Variants in ADGRB3 observed in about 807,000 individuals in gnomAD.
ADGRB3 encodes the protein brain-specific angiogenesis inhibitor 3.
In ADGRB3, 37 loss-of-function variants were observed where a neutral mutation model predicts 193.4. The ratio of observed to expected loss-of-function variants is 0.19; its 90% CI spans 0.15 to 0.25. The LOEUF (loss-of-function observed/expected upper bound fraction) is 0.25. ADGRB3 is among the 10% of genes least tolerant of loss of function. The pLI is 1.00. For synonymous variants in ADGRB3, 690 were observed against 644.2 expected (o/e 1.07, Z -1.08); for missense variants, 1,637 against 1,852.9 (o/e 0.88, Z 2.14).
At chr6:68,742,223 A>G (rs1388813054) in intron 3 of ADGRB3, among the ~76,000 whole-genome samples, 3 of 152,196 alleles carry the variant, frequency 2.0e-5, no homozygotes, top group Admixed American at 6.5e-5. Flanking sequence ...CTTCTTCATG[A>G]TGTAAACTAG....
At chr6:68,742,212 G>A (rs903298119) in intron 3 of ADGRB3, among the ~76,000 whole-genome samples, 4 of 152,074 alleles carry the variant, frequency 2.6e-5, no homozygotes, top group African/African-American at 4.8e-5. Flanking sequence ...CTAATGAGTG[G>A]CTTCTTCATG....
At chr6:68,832,827 A>T (rs545342560) in intron 3 of ADGRB3, among the ~76,000 whole-genome samples, 1 of 152,148 alleles carries the variant, frequency 6.6e-6, no homozygotes, top group Admixed American at 6.6e-5. Flanking sequence ...ATCTCTGGAA[A>T]ATAAGTTTGG....
chr6:69,189,586 GT>G (rs1765143428), intron 17 of ADGRB3, among the ~76,000 whole-genome samples: 1 of 152,098 alleles, frequency 6.6e-6, no homozygotes, highest in South Asian at 2.1e-4. Context: ...ATTCCGTCTG[GT>G]AAAAATGCCA....
At chr6:68,711,775 A>G (rs984689833) in intron 3 of ADGRB3, among the ~76,000 whole-genome samples, 2 of 152,192 alleles carry the variant, frequency 1.3e-5, no homozygotes, top group South Asian at 2.1e-4. Context: ...CATGGCTTCA[A>G]TCATCACTCA....
chr6:69,164,043 C>T (rs1275990200), intron 17 of ADGRB3, among the ~76,000 whole-genome samples: 1 of 152,086 alleles, frequency 6.6e-6, no homozygotes, highest in African/African-American at 2.4e-5. Flanking sequence ...CTAGTGAGAT[C>T]TTTGAAGGTG....
chr6:69,195,041 T>C (rs985603406), intron 17 of ADGRB3, among the ~76,000 whole-genome samples: 27 of 152,274 alleles, frequency 1.8e-4, no homozygotes, highest in African/African-American at 6.3e-4. Flanking sequence ...GGTCTTGCTA[T>C]TTATGTCCAG....
chr6:69,384,816 T>C (rs755008934), intron 31 of ADGRB3, among the ~76,000 whole-genome samples: 2 of 152,064 alleles, frequency 1.3e-5, no homozygotes, highest in South Asian at 4.1e-4. Flanking sequence ...TTATTCAGTT[T>C]TTATTAATAA....
chr6:69,370,287 G>A (rs1339541403), intron 29 of ADGRB3, among the ~76,000 whole-genome samples: 1 of 152,136 alleles, frequency 6.6e-6, no homozygotes, highest in Non-Finnish European at 1.5e-5. Flanking sequence ...GAAACACTTG[G>A]TCAGTATTGT....
intron 10 of ADGRB3, among the ~76,000 whole-genome samples, chr6:68,975,869 G>C (rs1768732045): frequency 1.3e-5 from 2 of 152,134 alleles, no homozygotes; most frequent in Non-Finnish European, 2.9e-5. Flanking sequence ...CCAAAAAATA[G>C]CTCTTCTTTT....
chr6:68,844,328 A>G (rs1343852192), intron 3 of ADGRB3, among the ~76,000 whole-genome samples: 1 of 152,214 alleles, frequency 6.6e-6, no homozygotes, highest in African/African-American at 2.4e-5. Context: ...TCTATAAGAA[A>G]AAAAATCCAA....
intron 20 of ADGRB3, among the ~76,000 whole-genome samples, chr6:69,320,823 GTA>G (rs1327137069): frequency 7.6e-6 from 1 of 130,916 alleles, no homozygotes; most frequent in South Asian, 2.3e-4. Flanking sequence ...GTGCATGTGT[GTA>G]TGTGTGTGTG....
intron 17 of ADGRB3, among the ~76,000 whole-genome samples, chr6:69,168,308 C>T (rs1482466076): frequency 6.6e-6 from 1 of 152,006 alleles, no homozygotes; most frequent in Non-Finnish European, 1.5e-5. Flanking sequence ...GTGACTGTAG[C>T]TACCTGAATA....
At chr6:69,275,400 T>C (rs2127281674) in intron 20 of ADGRB3, among the ~76,000 whole-genome samples, 1 of 152,234 alleles carries the variant, frequency 6.6e-6, no homozygotes, top group African/African-American at 2.4e-5. Context: ...GAGGAAGAAA[T>C]GTTACAGTAT....
intron 17 of ADGRB3, among the ~76,000 whole-genome samples, chr6:69,149,072 A>G (rs1774588106): frequency 6.6e-6 from 1 of 152,056 alleles, no homozygotes; most frequent in Non-Finnish European, 1.5e-5. Context: ...TTGAATATTG[A>G]TATTTTTCAC....
chr6:68,708,715 G>A (rs1287779452), intron 3 of ADGRB3, among the ~76,000 whole-genome samples: 1 of 152,118 alleles, frequency 6.6e-6, no homozygotes, highest in Admixed American at 6.5e-5. Context: ...TAATTAAGAA[G>A]AAAATATCTT....
intron 13 of ADGRB3, among the ~76,000 whole-genome samples, chr6:69,043,030 A>G (rs1259480086): frequency 6.6e-6 from 1 of 152,068 alleles, no homozygotes; most frequent in Admixed American, 6.6e-5. Flanking sequence ...CTTAAATGCA[A>G]TCCTTTTGAA....
rs1289730081 is a variant in ADGRB3 at position 69,297,406 on chromosome 6, C to CTA, written c.2815-27465_2815-27464insAT. ...TCTCTCTCTCTATCTCTCTCTCTCTCTCTCTATATATATATATATATGCTT... is the reference window on the plus strand; with the variant it reads ...TCTCTCTCTCTATCTCTCTCTCTCTCTATCTCTATATATATATATATATGCTT... On this transcript the variant is annotated intron_variant, in intron 20 of 31. Coordinates refer to ENST00000370598, the MANE Select transcript of ADGRB3 (RefSeq NM_001704.3). Among the ~76,000 whole-genome samples the CTA allele has an allele frequency of 3.2e-3, 458 of 144,148 alleles. 1 individual carries two copies. The highest frequency in any genetic ancestry group is 0.013 in the South Asian group (59 of 4,540). The allele number at this position is 144,148 out of a possible 152,430, so 94.6% of individuals were successfully genotyped here. A position where few individuals can be genotyped will look rare whatever the true frequency, so the allele number is the denominator to read the frequency against.
At chr6:68,973,135 C>A (rs1011330441) in intron 8 of ADGRB3, among the ~76,000 whole-genome samples, 11 of 152,142 alleles carry the variant, frequency 7.2e-5, no homozygotes, top group African/African-American at 9.7e-5. Context: ...AGAGGACTAT[C>A]TTAAACAATT....
intron 3 of ADGRB3, among the ~76,000 whole-genome samples, chr6:68,914,166 A>C (rs1384227460): frequency 6.6e-6 from 1 of 151,424 alleles, no homozygotes. Context: ...AGGCAGGCCA[A>C]CATTCAGATT....
Sources: allele counts gnomAD v4.1 joint callset (sites outside exome capture counted in the v4.1 genomes callset), GRCh38; gene constraint gnomAD v4.1.1; transcripts MANE v1.5; gene names NCBI Gene and HGNC (gene_info 2026-07-23, HGNC 2026-07-21).